JDP2: variants seen among roughly 807,000 people sequenced by gnomAD.
The protein encoded by JDP2 is Jun dimerization protein 2, also known as progesterone receptor co-activator.
Under a neutral mutation model 17.1 loss-of-function variants are expected in JDP2, and 9 were observed. That is an observed-to-expected ratio of 0.53 (90% confidence interval 0.32 to 0.92). JDP2 has a LOEUF of 0.92. JDP2 is among the 40% of genes least tolerant of loss of function. The pLI is 0.04. For synonymous variants in JDP2, 107 were observed against 95.6 expected (o/e 1.12, Z -0.69); for missense variants, 179 against 220.0 (o/e 0.81, Z 1.18).
intron 2 of JDP2, among the ~76,000 whole-genome samples, chr14:75,456,644 A>G (rs1157984512): frequency 6.6e-6 from 1 of 151,776 alleles, no homozygotes; most frequent in East Asian, 1.9e-4. Flanking sequence ...CTCTCTTGGT[A>G]CGTGGTCTCT....
chr14:75,471,769 C>T lies in JDP2; in HGVS notation c.*2294C>T. On this transcript the variant is annotated 3_prime_UTR_variant, in exon 4 of 4. Coordinates refer to ENST00000651602, the MANE Select transcript of JDP2 (RefSeq NM_001135048.2). ...GTTGTGGCAGCGGGTTGCCTTCTGTCTCGGGGGTCTTGAGGCTGTCGGTCC... is the reference window on the plus strand; with the variant it reads ...GTTGTGGCAGCGGGTTGCCTTCTGTTTCGGGGGTCTTGAGGCTGTCGGTCC... 6.4e-6 allele frequency: 1 copy of T among 157,250 alleles called. No homozygotes were observed. The highest frequency in any genetic ancestry group is 1.8e-4 in the East Asian group (1 of 5,408). 9.7% of individuals were successfully genotyped at this position (157,250 alleles called of 1,614,324 possible). A position where few individuals can be genotyped will look rare whatever the true frequency, so the allele number is the denominator to read the frequency against.
At chr14:75,463,525 A>G (rs1886430034) in intron 3 of JDP2, among the ~76,000 whole-genome samples, 1 of 152,118 alleles carries the variant, frequency 6.6e-6, no homozygotes. Flanking sequence ...GGGCAAGCCT[A>G]GCCAGCTGTG....
At chr14:75,444,068 A>G (rs1885483280) in intron 2 of JDP2, among the ~76,000 whole-genome samples, 1 of 151,846 alleles carries the variant, frequency 6.6e-6, no homozygotes, top group South Asian at 2.1e-4. Context: ...ATGCCTGGCT[A>G]ATTTTTGTAT....
chr14:75,434,686 T>C (rs1296553969), intron 1 of JDP2, among the ~76,000 whole-genome samples: 1 of 152,026 alleles, frequency 6.6e-6, no homozygotes. Flanking sequence ...ACAGAGCCTA[T>C]CATTCCCGGA....
intron 2 of JDP2, among the ~76,000 whole-genome samples, chr14:75,460,182 T>C (rs777318172): frequency 3.3e-5 from 5 of 152,236 alleles, no homozygotes; most frequent in Non-Finnish European, 7.3e-5. Flanking sequence ...GTGAGTCTCC[T>C]TCTCCCCCAT....
chr14:75,447,903 C>T (rs538334212), intron 2 of JDP2, among the ~76,000 whole-genome samples: 2 of 152,312 alleles, frequency 1.3e-5, no homozygotes, highest in South Asian at 2.1e-4. Context: ...AAGTGATCCA[C>T]CTGCCTTGGC....
In JDP2 at chr14:75,473,690, CCTA is replaced by C. The variant is rs543874243; in HGVS notation, c.*4218_*4220del. 7.9e-4 allele frequency: 120 copies of C among 152,272 alleles called. No homozygotes were observed. The highest frequency in any genetic ancestry group is 2.7e-3 in the African/African-American group (114 of 41,550). The allele number at this position is 152,272 out of a possible 1,614,324, so 9.4% of individuals were successfully genotyped here. A position where few individuals can be genotyped will look rare whatever the true frequency, so the allele number is the denominator to read the frequency against. On this transcript the variant is annotated 3_prime_UTR_variant, in exon 4 of 4. Coordinates refer to ENST00000651602, the MANE Select transcript of JDP2 (RefSeq NM_001135048.2). ...TATCAATATGGATAAATCTCAGAAACCTACTGTTGAGATGGAGGGTAGGGGAGT... is the reference window on the plus strand; with the variant it reads ...TATCAATATGGATAAATCTCAGAAACCTGTTGAGATGGAGGGTAGGGGAGT...
At chr14:75,433,035 C>G (rs1443568241) in intron 1 of JDP2, among the ~76,000 whole-genome samples, 3 of 151,260 alleles carry the variant, frequency 2.0e-5, no homozygotes. Flanking sequence ...AACCCCGTCT[C>G]TACTAAAAAA....
At chr14:75,455,024 T>G (rs1298171988) in intron 2 of JDP2, among the ~76,000 whole-genome samples, 1 of 152,044 alleles carries the variant, frequency 6.6e-6, no homozygotes, top group African/African-American at 2.4e-5. Context: ...GCAGCAGGGA[T>G]GGAGAATGTG....
At chr14:75,464,146 G>A (rs1217261623) in intron 3 of JDP2, among the ~76,000 whole-genome samples, 2 of 152,222 alleles carry the variant, frequency 1.3e-5, no homozygotes, top group Non-Finnish European at 2.9e-5. Flanking sequence ...CTTGGAAGCA[G>A]AGGTTTGGTG....
chr14:75,441,095 G>A lies in JDP2; in HGVS notation c.201+2974G>A, dbSNP rs563334516. ...GATGAGTGCTGAGCCCTGCAGTCCT[G>A]CAGCCTTACTGTCTCCTAGTTCCGA... On this transcript the variant is annotated intron_variant, in intron 2 of 3. Transcript: ENST00000651602. Among the ~76,000 whole-genome samples, 12 of 152,184 alleles carry A rather than the reference G, an allele frequency of 7.9e-5. No individual in the cohort carries two copies. The East Asian group carries it at 1.9e-3, about 25-fold the overall frequency.
At chr14:75,461,682 C>T in intron 3 of JDP2, 152 bp downstream of exon 3, 1 of 635,156 alleles carries the variant, frequency 1.6e-6, no homozygotes, top group East Asian at 2.8e-5. Flanking sequence ...TTTCCTACCT[C>T]CTGTTTCCTC....
chr14:75,466,613 G>C (rs866558051), intron 3 of JDP2, among the ~76,000 whole-genome samples: 1 of 152,150 alleles, frequency 6.6e-6, no homozygotes, highest in African/African-American at 2.4e-5. Flanking sequence ...TGATACAGAC[G>C]CTCCCACATA....
Position 75,428,271 on chromosome 14 carries a change from G to C in JDP2, c.-24+19G>C, listed in dbSNP as rs1195180525. On this transcript the variant is annotated intron_variant, in intron 1 of 3. Transcript: ENST00000651602. The surrounding 1 kb of genome is among the most constrained non-coding windows in gnomAD (Gnocchi z 5.6). The stretch of plus-strand genomic sequence containing the variant: ...CTGCACGGTGGGTGCGAGGGCGCGC[G>C]CTGGGGGCGCCGGGACGGGCGGGGC... The C allele has an allele frequency of 6.8e-6, 1 of 146,678 alleles. No homozygotes were observed. Among genetic ancestry groups the C allele is most frequent in the African/African-American group, 2.4e-5 (1 of 40,850 alleles). 9.1% of individuals were successfully genotyped at this position (146,678 alleles called of 1,614,324 possible). A position where few individuals can be genotyped will look rare whatever the true frequency, so the allele number is the denominator to read the frequency against.
chr14:75,457,453 C>G (rs1359078133), intron 2 of JDP2, among the ~76,000 whole-genome samples: 1 of 152,258 alleles, frequency 6.6e-6, no homozygotes. Flanking sequence ...TGTCTTGTTT[C>G]TGGTAGGGCC....
chr14:75,453,748 A>G (rs948406206), intron 2 of JDP2, among the ~76,000 whole-genome samples: 1 of 151,898 alleles, frequency 6.6e-6, no homozygotes, highest in Admixed American at 6.6e-5. Context: ...CCACCCCCCA[A>G]CCCCACCAAC....
At chr14:75,454,641 G>A (rs1220992822) in intron 2 of JDP2, among the ~76,000 whole-genome samples, 1 of 152,170 alleles carries the variant, frequency 6.6e-6, no homozygotes, top group African/African-American at 2.4e-5. Flanking sequence ...AAAGATAAGT[G>A]CTGTTAGTGA....
Position 75,440,422 on chromosome 14 carries a change from A to G in JDP2, c.201+2301A>G, listed in dbSNP as rs149856633. Among the ~76,000 whole-genome samples, 1,256 of 152,338 alleles carry G rather than the reference A, an allele frequency of 8.2e-3. 4 individuals carry two copies. The highest frequency in any genetic ancestry group is 0.025 in the South Asian group (120 of 4,830). On this transcript the variant is annotated intron_variant, in intron 2 of 3. Transcript: ENST00000651602. The stretch of plus-strand genomic sequence containing the variant: ...AAAGAAACTTGCAGCTGAAGAATCT[A>G]TGGTCTGAAGATCTATTTGCATATG...
intron 2 of JDP2, 67 bp from the exon 3 acceptor site, chr14:75,461,359 G>A (rs1886338844): frequency 8.5e-7 from 1 of 1,179,680 alleles, no homozygotes; most frequent in Non-Finnish European, 1.2e-6. Context: ...CTCTGTCTAT[G>A]TGTCAGGACA....
Sources: allele counts gnomAD v4.1 joint callset (sites outside exome capture counted in the v4.1 genomes callset), GRCh38; gene constraint gnomAD v4.1.1; non-coding constraint Gnocchi (gnomAD v3.1); transcripts MANE v1.5; gene names NCBI Gene and HGNC (gene_info 2026-07-23, HGNC 2026-07-21).